TRABD2B: variants seen among roughly 807,000 people sequenced by gnomAD.
TRABD2B encodes the protein TraB domain containing 2B.
In TRABD2B, 14 loss-of-function variants were observed where a neutral mutation model predicts 40.1. That is an observed-to-expected ratio of 0.35 (90% CI 0.23 to 0.55). The LOEUF is 0.55. TRABD2B is among the 20% of genes least tolerant of loss of function. The pLI is 0.90. For missense variants in TRABD2B, 541 were observed against 648.6 expected, an observed-to-expected ratio of 0.83 and a Z score of 1.80; for synonymous variants, 263 against 277.0, an observed-to-expected ratio of 0.95 and a Z score of 0.50.
rs189977947 is a variant in TRABD2B at position 47,865,938 on chromosome 1, T to C, written c.667-64319A>G. 2.0e-3 allele frequency among the ~76,000 whole-genome samples: 299 copies of C among 152,268 alleles called. 2 individuals are homozygous for C. In the South Asian group the frequency reaches 0.027, roughly 14 times the overall value. ...TCTGTTGCCCAGACAGGCTTCTCCA[T>C]TCCTCTGTGCTTCAGTCTCTTCATC... On this transcript the variant is annotated intron_variant, in intron 2 of 6. Coordinates refer to ENST00000606738, the MANE Select transcript of TRABD2B (RefSeq NM_001194986.2).
chr1:47,993,595 AGCCC>A (rs1428929238), intron 2 of TRABD2B, among the ~76,000 whole-genome samples: 8 of 152,140 alleles, frequency 5.3e-5, no homozygotes, highest in Non-Finnish European at 8.8e-5. Flanking sequence ...TTGTTGGCTC[AGCCC>A]TGGGAGCCAT....
At chr1:47,873,686 C>T (rs1337360875) in intron 2 of TRABD2B, among the ~76,000 whole-genome samples, 2 of 152,152 alleles carry the variant, frequency 1.3e-5, no homozygotes, top group Non-Finnish European at 2.9e-5. Flanking sequence ...TCAAGCCATG[C>T]ACGGTCTTGG....
chr1:47,926,135 C>G (rs979613756), intron 2 of TRABD2B, among the ~76,000 whole-genome samples: 1 of 152,136 alleles, frequency 6.6e-6, no homozygotes, highest in South Asian at 2.1e-4. Flanking sequence ...TCTTATAATT[C>G]GTTTTTGATA....
At chr1:47,943,867 C>T (rs1553167748) in intron 2 of TRABD2B, among the ~76,000 whole-genome samples, 1 of 152,074 alleles carries the variant, frequency 6.6e-6, no homozygotes, top group Non-Finnish European at 1.5e-5. Context: ...TTTACTGGAA[C>T]TCAACCATGA....
At position 47,775,245 on chromosome 1, in the gene TRABD2B, C is replaced by G; in HGVS notation, c.1274G>C (p.Arg425Thr). 8.0e-7 allele frequency: 1 copy of G among 1,253,910 alleles called. No homozygotes were observed. The highest frequency in any genetic ancestry group is 3.3e-5 in the South Asian group (1 of 30,420). 77.7% of individuals were successfully genotyped at this position (1,253,910 alleles called of 1,614,324 possible). A position where few individuals can be genotyped will look rare whatever the true frequency, so the allele number is the denominator to read the frequency against. ...TGTGCTCTGCCTCTTGTGCCACTTC[C>G]TCTGCCGGCCAAACTCCTCCAGCTG... ...LSQLEEFGRQ[R>T]KWHKRQSTHQ... The change falls in exon 6 of 7, where the codon AGG (arginine) becomes ACG (threonine). Residue 425 changes from arginine (R) to threonine (T), a missense_variant. Around this residue, in one of 2 missense-constraint regions of TRABD2B, gnomAD observed 172 missense variants for 155.8 expected, o/e 1.10. Transcript: ENST00000606738.
rs1321049562 is a variant in TRABD2B at position 47,763,628 on chromosome 1, C to G, written c.*2274G>C. ...ATTAATTTACCTTCTTGGCTCAGTG[C>G]CTGGCACAGATCTGGGCACACGGTC... On this transcript the variant is annotated 3_prime_UTR_variant, in exon 7 of 7. Transcript: ENST00000606738. 1 of 152,216 alleles carries G rather than the reference C, an allele frequency of 6.6e-6. No individual in the cohort carries two copies. Among genetic ancestry groups the G allele is most frequent in the Non-Finnish European group, 1.5e-5 (1 of 68,054 alleles). 9.4% of individuals were successfully genotyped at this position (152,216 alleles called of 1,614,324 possible).
Position 47,994,904 on chromosome 1 carries a change from T to C in TRABD2B, c.103-307A>G, listed in dbSNP as rs561514012. ...GATTAAAAGATACAATATATGTATA[T>C]TAAGCCCTCAGAGCAGTGCCAGGTA... On this transcript the variant is annotated intron_variant, in intron 1 of 6. Transcript: ENST00000606738. The surrounding 1 kb of genome is among the most constrained non-coding windows in gnomAD (Gnocchi z 6.7). Among the ~76,000 whole-genome samples, 3 of 152,302 alleles carry C rather than the reference T, an allele frequency of 2.0e-5. No homozygotes were observed. The highest frequency in any genetic ancestry group is 4.4e-5 in the Non-Finnish European group (3 of 68,038).
chr1:47,822,452 GGGGT>G (rs1645124037), intron 2 of TRABD2B, among the ~76,000 whole-genome samples: 1 of 151,984 alleles, frequency 6.6e-6, no homozygotes, highest in Non-Finnish European at 1.5e-5. Flanking sequence ...CCCTGTCACA[GGGGT>G]GATGAGGGGA....
At chr1:47,848,934 AT>A (rs1405844758) in intron 2 of TRABD2B, among the ~76,000 whole-genome samples, 12 of 152,320 alleles carry the variant, frequency 7.9e-5, no homozygotes, top group African/African-American at 2.9e-4. Flanking sequence ...GCTCCCTGAA[AT>A]GCCAGAGGCC....
At chr1:47,859,450 C>T (rs1327123979) in intron 2 of TRABD2B, among the ~76,000 whole-genome samples, 1 of 152,248 alleles carries the variant, frequency 6.6e-6, no homozygotes, top group East Asian at 1.9e-4. Context: ...TATACTTCTT[C>T]CCAACAACTG....
At chr1:47,923,051 C>A (rs1183363537) in intron 2 of TRABD2B, among the ~76,000 whole-genome samples, 2 of 152,190 alleles carry the variant, frequency 1.3e-5, no homozygotes, top group Admixed American at 1.3e-4. Context: ...GCCTCAAATG[C>A]GCCAAGGCCT....
chr1:47,801,520 TGTA>T lies in TRABD2B; in HGVS notation c.763_765del (p.Tyr255del). The T allele has an allele frequency of 1.3e-6, 2 of 1,536,092 alleles. No individual in the cohort carries two copies. Among genetic ancestry groups the T allele is most frequent in the Non-Finnish European group, 1.7e-6 (2 of 1,146,888 alleles). Reference sequence around the variant, plus strand: ...ATGACTGCGCTGAGGTCTCCGCAGTTGTAGTGCTTGATGAGGTCCTCCGTGGTG... The same window carrying T: ...ATGACTGCGCTGAGGTCTCCGCAGTTGTGCTTGATGAGGTCCTCCGTGGTG... On this transcript the variant is annotated inframe_deletion, in exon 3 of 7. Transcript: ENST00000606738.
intron 2 of TRABD2B, among the ~76,000 whole-genome samples, chr1:47,816,238 C>T (rs1645031083): frequency 6.6e-6 from 1 of 152,226 alleles, no homozygotes; most frequent in Non-Finnish European, 1.5e-5. Flanking sequence ...CTGAGCAGCC[C>T]TGACCTGAGG....
chr1:47,811,419 G>A (rs949161178), intron 2 of TRABD2B, among the ~76,000 whole-genome samples: 5 of 152,168 alleles, frequency 3.3e-5, no homozygotes, highest in East Asian at 3.9e-4. Context: ...TTTCCTGGGC[G>A]GGCATCGGGA....
intron 2 of TRABD2B, among the ~76,000 whole-genome samples, chr1:47,901,280 A>C (rs559072794): frequency 6.6e-6 from 1 of 152,340 alleles, no homozygotes; most frequent in South Asian, 2.1e-4. Context: ...GGCCAGCCCA[A>C]GAAATAAAGG....
At chr1:47,801,321 C>T (rs1340712950) in intron 3 of TRABD2B, among the ~76,000 whole-genome samples, 152 bp downstream of exon 3, 1 of 152,212 alleles carries the variant, frequency 6.6e-6, no homozygotes, top group African/African-American at 2.4e-5. Context: ...GGACAAATCT[C>T]TTCTCATCTC....
rs183451753 is a variant in TRABD2B, at chr1:47,763,410, C to T, written c.*2492G>A. 8.5e-5 allele frequency: 13 copies of T among 152,268 alleles called. No homozygotes were observed. Among genetic ancestry groups the T allele is most frequent in the African/African-American group, 3.1e-4 (13 of 41,552 alleles). 9.4% of individuals were successfully genotyped at this position (152,268 alleles called of 1,614,324 possible). ...AGGGTAAGGGAGAGTTTAGGATCCC[C>T]TAATATGCCCAGAGGAGGGATCTGG... On this transcript the variant is annotated 3_prime_UTR_variant, in exon 7 of 7. Coordinates refer to ENST00000606738, the MANE Select transcript of TRABD2B (RefSeq NM_001194986.2).
chr1:47,989,566 C>A (rs765781387), intron 2 of TRABD2B, among the ~76,000 whole-genome samples: 8 of 152,172 alleles, frequency 5.3e-5, no homozygotes, highest in Non-Finnish European at 1.2e-4. Flanking sequence ...GTCTTCACAG[C>A]AGTGGCTTAG....
rs1570439082 is a variant in TRABD2B at position 47,996,763 on chromosome 1, C to T, written c.27G>A (p.Leu9=). 8.2e-7 allele frequency: 1 copy of T among 1,216,600 alleles called. No individual in the cohort carries two copies. Among genetic ancestry groups the T allele is most frequent in the African/African-American group, 1.6e-5 (1 of 63,780 alleles). The allele number at this position is 1,216,600 out of a possible 1,614,324, so 75.4% of individuals were successfully genotyped here. A position where few individuals can be genotyped will look rare whatever the true frequency, so the allele number is the denominator to read the frequency against. The change falls in exon 1 of 7, where the codon CTG becomes CTA. Residue 9 remains leucine, a synonymous_variant. Coordinates refer to ENST00000606738, the MANE Select transcript of TRABD2B (RefSeq NM_001194986.2). The surrounding 1 kb of genome is among the most constrained non-coding windows in gnomAD (Gnocchi z 4.6). MHAALAGP[L]LAALLATARA... is the part of the protein sequence containing the mutation. ...GAGCGGTGGCGAGGAGGGCGGCGAG[C>T]AGCGGCCCCGCCAGGGCGGCGTGCA...
Sources: gnomAD v4.1 joint callset for allele counts (sites outside exome capture counted in the v4.1 genomes callset) on GRCh38, gnomAD v4.1.1 for gene constraint, gnomAD v4.1.1 regional missense constraint, Gnocchi (gnomAD v3.1) non-coding constraint, MANE v1.5 for transcripts, NCBI Gene and HGNC (gene_info 2026-07-23, HGNC 2026-07-21) for gene names.